PCDHA5: variants seen among roughly 807,000 people sequenced by gnomAD.
PCDHA5 encodes protocadherin alpha 5.
PCDHA5 carries 43 observed loss-of-function variants against 61.6 expected under a neutral mutation model. That is an observed-to-expected ratio of 0.70 (90% CI 0.55 to 0.90). The LOEUF is 0.90. Ranked by LOEUF, PCDHA5 falls within the 40% of genes least tolerant of loss-of-function variation. PCDHA5 has a pLI of 0.00. For missense variants in PCDHA5, 1,298 were observed against 1,222.7 expected, an observed-to-expected ratio of 1.06 and a Z score of -0.92; for synonymous variants, 627 against 543.9, an observed-to-expected ratio of 1.15 and a Z score of -2.13.
chr5:140,849,989 G>T lies in PCDHA5; in HGVS notation c.2352+25862G>T, dbSNP rs150286933. On this transcript the variant is annotated intron_variant, in intron 1 of 3. Transcript: ENST00000529859. ...TGTCCTACTCGCTGGTGGAGCGGCG[G>T]TTGGGCGAGCGCTCGCTGTCGAGCT... The T allele has an allele frequency of 5.0e-4, 791 of 1,597,330 alleles. 42 individuals carry two copies. The African/African-American group carries it at 9.7e-3, about 20-fold the overall frequency.
chr5:140,869,600 C>T lies in PCDHA5; in HGVS notation c.2352+45473C>T, dbSNP rs782754801. The stretch of plus-strand genomic sequence containing the variant: ...TCTGATGCTGACATTGAAGAGAATG[C>T]TCTATTGACCTACAGGCTAAGTAAA... On this transcript the variant is annotated intron_variant, in intron 1 of 3. Transcript: ENST00000529859. 1.9e-6 allele frequency: 3 copies of T among 1,613,922 alleles called. No homozygotes were observed. The African/African-American group carries it at 4.0e-5, about 22-fold the overall frequency.
intron 1 of PCDHA5, among the ~76,000 whole-genome samples, chr5:140,964,981 T>C (rs2095867317): frequency 6.6e-6 from 1 of 152,188 alleles, no homozygotes; most frequent in Non-Finnish European, 1.5e-5. Context: ...ATGTGCTAGT[T>C]CAGGCCTTTG....
At chr5:140,967,869 C>A in intron 1 of PCDHA5, 1 of 1,614,160 alleles carries the variant, frequency 6.2e-7, no homozygotes, top group South Asian at 1.1e-5. Flanking sequence ...GTGGTGCTCA[C>A]GGACCTGTAT....
intron 3 of PCDHA5, among the ~76,000 whole-genome samples, chr5:141,006,790 T>A (rs1318848521): frequency 6.6e-6 from 1 of 152,130 alleles, no homozygotes; most frequent in African/African-American, 2.4e-5. Context: ...AATAATTAGC[T>A]TTGAACTTTC....
chr5:140,914,145 G>A lies in PCDHA5; in HGVS notation c.2353-64804G>A, dbSNP rs2076623510. Among the ~76,000 whole-genome samples the A allele has an allele frequency of 3.3e-5, 5 of 152,138 alleles. 1 individual carries two copies. The South Asian group carries it at 1.0e-3, about 32-fold the overall frequency. On this transcript the variant is annotated intron_variant, in intron 1 of 3. Transcript: ENST00000529859. ...TTCTTTGTTGAGTTTTTGTCTGTCAGTTCTGTCCAATACGGAAAGTGGGGT... is the reference window on the plus strand; with the variant it reads ...TTCTTTGTTGAGTTTTTGTCTGTCAATTCTGTCCAATACGGAAAGTGGGGT...
intron 1 of PCDHA5, among the ~76,000 whole-genome samples, chr5:140,970,888 A>G (rs1452967166): frequency 6.6e-6 from 1 of 152,154 alleles, no homozygotes; most frequent in Non-Finnish European, 1.5e-5. Flanking sequence ...TTTCTCATGG[A>G]CATTTCAGAT....
At chr5:140,884,520 C>A (rs782029549) in intron 1 of PCDHA5, 1 of 1,614,036 alleles carries the variant, frequency 6.2e-7, no homozygotes, top group Non-Finnish European at 8.5e-7. Flanking sequence ...TGGTCGTACT[C>A]GCAGCAGAGG....
At chr5:140,905,376 C>G in intron 1 of PCDHA5, among the ~76,000 whole-genome samples, 1 of 152,174 alleles carries the variant, frequency 6.6e-6, no homozygotes, top group East Asian at 1.9e-4. Context: ...GTTCTCTGTT[C>G]TGTTTCATAG....
intron 1 of PCDHA5, chr5:140,835,470 GCC>G: frequency 6.2e-7 from 1 of 1,613,868 alleles, no homozygotes; most frequent in Non-Finnish European, 8.5e-7. Flanking sequence ...TCCAGAGGAC[GCC>G]CAACCAGGTA....
chr5:140,838,286 T>TC (rs2150151139), intron 1 of PCDHA5, among the ~76,000 whole-genome samples: 1 of 149,632 alleles, frequency 6.7e-6, no homozygotes, highest in African/African-American at 2.5e-5. Context: ...GCTAATTTTT[T>TC]TTTTTTTTTG....
At chr5:140,874,958 A>G (rs2055195313) in intron 1 of PCDHA5, among the ~76,000 whole-genome samples, 1 of 152,242 alleles carries the variant, frequency 6.6e-6, no homozygotes, top group South Asian at 2.1e-4. Flanking sequence ...TGTAAGCTAT[A>G]TAAGGGGAGG....
chr5:140,927,748 G>A lies in PCDHA5; in HGVS notation c.2353-51201G>A, dbSNP rs782605586. Reference sequence around the variant, plus strand: ...AGCAGAGCTGCGACACCGCTTTCACGTGCACCCTAAAAGTGGGGAGGTGCA... The same window carrying A: ...AGCAGAGCTGCGACACCGCTTTCACATGCACCCTAAAAGTGGGGAGGTGCA... On this transcript the variant is annotated intron_variant, in intron 1 of 3. Transcript: ENST00000529859. 53 of 1,614,088 alleles carry A rather than the reference G, an allele frequency of 3.3e-5. No homozygotes were observed. The South Asian group carries it at 5.7e-4, about 17-fold the overall frequency.
chr5:140,896,260 G>A (rs1304707341), intron 1 of PCDHA5, among the ~76,000 whole-genome samples: 1 of 152,230 alleles, frequency 6.6e-6, no homozygotes, highest in African/African-American at 2.4e-5. Context: ...TATGTACACA[G>A]TTATGGGATT....
In PCDHA5 at chr5:140,843,230, C is replaced by A. The variant is rs1225755586; in HGVS notation, c.2352+19103C>A. On this transcript the variant is annotated intron_variant, in intron 1 of 3. Transcript: ENST00000529859. ...GGGCGAGATCAGCACCACTCGTGTC[C>A]TGGACGAAGCGGACTCTCCGCGCCA... 4 of 1,596,146 alleles carry A rather than the reference C, an allele frequency of 2.5e-6. 1 individual carries two copies. In the African/African-American group the frequency reaches 5.4e-5, roughly 21 times the overall value.
chr5:140,858,857 T>G (rs1461225886), intron 1 of PCDHA5: 1 of 267,642 alleles, frequency 3.7e-6, no homozygotes, highest in African/African-American at 2.3e-5. Flanking sequence ...CTATATCTCT[T>G]CAGTGAAAAT....
chr5:140,824,615 T>TTTTTTG (rs1554129953), intron 1 of PCDHA5: 19 of 126,072 alleles, frequency 1.5e-4, no homozygotes, highest in African/African-American at 6.6e-4. Context: ...TTAAAGTTTT[T>TTTTTTG]TTTTTTTTTT....
intron 1 of PCDHA5, among the ~76,000 whole-genome samples, chr5:140,941,202 C>CTTTCCTT (rs1554213921): frequency 5.7e-5 from 7 of 122,742 alleles, no homozygotes; most frequent in Admixed American, 1.7e-4. Flanking sequence ...TTTCTTTCTT[C>CTTTCCTT]CTTTCTTTCT....
At chr5:140,836,479 A>G (rs782130761) in intron 1 of PCDHA5, 4 of 1,613,680 alleles carry the variant, frequency 2.5e-6, no homozygotes, top group Admixed American at 1.7e-5. Flanking sequence ...GTCAACGTGT[A>G]CCTGATCATC....
intron 1 of PCDHA5, chr5:140,926,720 T>C (rs2083499438): frequency 2.0e-6 from 2 of 1,002,404 alleles, no homozygotes; most frequent in Non-Finnish European, 2.7e-6. Flanking sequence ...GCCCCGGCAA[T>C]GCCGGCGTTC....
Sources: allele counts gnomAD v4.1 joint callset (sites outside exome capture counted in the v4.1 genomes callset), GRCh38; gene constraint gnomAD v4.1.1; transcripts MANE v1.5; gene names NCBI Gene and HGNC (gene_info 2026-07-23, HGNC 2026-07-21).